TENT5B: variants seen among roughly 807,000 people sequenced by gnomAD.
TENT5B encodes the protein family with sequence similarity 46 member B.
In TENT5B, 12 loss-of-function variants were observed where a neutral mutation model predicts 21.7. The observed-to-expected ratio is 0.55, with a 90% CI of 0.36 to 0.90. The LOEUF (loss-of-function observed/expected upper bound fraction) is 0.90. Among genes scored for constraint, TENT5B ranks in the 40% least tolerant of loss-of-function variants. TENT5B has a pLI of 0.01. For synonymous variants in TENT5B, 262 were observed against 266.6 expected (o/e 0.98, Z 0.17); for missense variants, 540 against 601.5 (o/e 0.90, Z 1.07).
At chr1:27,008,191 T>C (rs1367655228) in intron 1 of TENT5B, among the ~76,000 whole-genome samples, 1 of 151,746 alleles carries the variant, frequency 6.6e-6, no homozygotes, top group African/African-American at 2.4e-5. Flanking sequence ...AAGCTGGGGG[T>C]TGGGGACATT....
At position 27,005,914 on chromosome 1, in the gene TENT5B, C is replaced by A; in HGVS notation, c.*30G>T. 4 of 1,524,472 alleles carry A rather than the reference C, an allele frequency of 2.6e-6. No individual in the cohort carries two copies. Among genetic ancestry groups the A allele is most frequent in the Non-Finnish European group, 3.5e-6 (4 of 1,135,440 alleles). The allele number at this position is 1,524,472 out of a possible 1,614,324, so 94.4% of individuals were successfully genotyped here. A position where few individuals can be genotyped will look rare whatever the true frequency, so the allele number is the denominator to read the frequency against. The stretch of plus-strand genomic sequence containing the variant: ...AGGCCCCACCCCACCCCGTGAGGCC[C>A]AGTCCCTTCCCTTCTGGCCAGGGTC... On this transcript the variant is annotated 3_prime_UTR_variant, in exon 2 of 2. Transcript: ENST00000289166.
At chr1:27,007,300 G>T (rs976111497) in intron 1 of TENT5B, among the ~76,000 whole-genome samples, 1 of 151,848 alleles carries the variant, frequency 6.6e-6, no homozygotes, top group Non-Finnish European at 1.5e-5. Flanking sequence ...ACACTTTACA[G>T]ATGCAAAAAT....
chr1:27,012,028 G>T (rs2082626330), intron 1 of TENT5B, among the ~76,000 whole-genome samples: 1 of 152,156 alleles, frequency 6.6e-6, no homozygotes, highest in South Asian at 2.1e-4. Flanking sequence ...AGATAGGGAA[G>T]GAAAAGCTAT....
In TENT5B at chr1:27,012,770, A is replaced by C; in HGVS notation, c.-100T>G. The C allele has an allele frequency of 1.5e-6, 2 of 1,301,660 alleles. No homozygotes were observed. Among genetic ancestry groups the C allele is most frequent in the Non-Finnish European group, 9.9e-7 (1 of 1,011,584 alleles). The allele number at this position is 1,301,660 out of a possible 1,614,324, so 80.6% of individuals were successfully genotyped here. A position where few individuals can be genotyped will look rare whatever the true frequency, so the allele number is the denominator to read the frequency against. ...GCAGGGGCCAAGGCGGGGGGCACGA[A>C]GGCAGGGACGGGGCGGCAACGACGG... On this transcript the variant is annotated 5_prime_UTR_variant, in exon 1 of 2. Transcript: ENST00000289166.
At position 27,005,672 on chromosome 1, in the gene TENT5B, C is replaced by A; in HGVS notation, c.*272G>T. 2.3e-6 allele frequency: 1 copy of A among 434,884 alleles called. No homozygotes were observed. The highest frequency in any genetic ancestry group is 4.0e-6 in the Non-Finnish European group (1 of 248,128). 26.9% of individuals were successfully genotyped at this position (434,884 alleles called of 1,614,324 possible). On this transcript the variant is annotated 3_prime_UTR_variant, in exon 2 of 2. Coordinates refer to ENST00000289166, the MANE Select transcript of TENT5B (RefSeq NM_052943.4). ...TTTGTCTCCTGAAGGAAATTGACTT[C>A]CAAGACAAATGGCGCCTGCACCCCA... is the stretch of plus-strand genomic sequence containing the variant.
chr1:27,005,644 T>TG lies in TENT5B; in HGVS notation c.*299dup. Reference sequence around the variant, plus strand: ...GGCATTAAGGCTACCACCCCAAACTTGCTTTGTCTCCTGAAGGAAATTGAC... The same window carrying TG: ...GGCATTAAGGCTACCACCCCAAACTTGGCTTTGTCTCCTGAAGGAAATTGAC... On this transcript the variant is annotated 3_prime_UTR_variant, in exon 2 of 2. Transcript: ENST00000289166. 2.5e-6 allele frequency: 1 copy of TG among 392,610 alleles called. No individual in the cohort carries two copies. The highest frequency in any genetic ancestry group is 4.6e-6 in the Non-Finnish European group (1 of 219,672). The allele number at this position is 392,610 out of a possible 1,614,324, so 24.3% of individuals were successfully genotyped here.
Position 27,012,460 on chromosome 1 carries a change from G to C in TENT5B, c.211C>G (p.His71Asp). 1.9e-6 allele frequency: 3 copies of C among 1,613,206 alleles called. No individual in the cohort carries two copies. The highest frequency in any genetic ancestry group is 1.3e-5 in the African/African-American group (1 of 75,046). ...DALLSEPIPI[H>D]GRGNFPTLSV... ...AGCGTGGGGAAGTTGCCGCGCCCGT[G>C]AATGGGAATCGGCTCGCTCAGAAGA... Residue 71 changes from histidine to aspartate, a missense_variant, in exon 1 of 2, where the codon CAC (histidine) becomes GAC (aspartate). By Grantham distance (81) the His-to-Asp change is moderately conservative. Coordinates refer to ENST00000289166, the MANE Select transcript of TENT5B (RefSeq NM_052943.4).
Position 27,006,549 on chromosome 1 carries a change from A to T in TENT5B, c.673T>A (p.Ser225Thr). Residue 225 changes from serine to threonine, a missense_variant, in exon 2 of 2, where the codon TCC becomes ACC. Physicochemically the swap from Ser to Thr is moderately conservative, Grantham distance 58 (BLOSUM62 1). Coordinates refer to ENST00000289166, the MANE Select transcript of TENT5B (RefSeq NM_052943.4). The surrounding 1 kb of genome is among the most constrained non-coding windows in gnomAD (Gnocchi z 9.4). Reference sequence around the variant, plus strand: ...GAGCACTGGCCAAAGAGCAACAGGGAGTCCAGGATGATCTGGAAGGAGTCT... The same window carrying T: ...GAGCACTGGCCAAAGAGCAACAGGGTGTCCAGGATGATCTGGAAGGAGTCT... Reference protein sequence around the residue: ...SIDSFQIILDSLLLFGQCSST... With the variant: ...SIDSFQIILDTLLLFGQCSST... 2.5e-6 allele frequency: 4 copies of T among 1,614,124 alleles called. No individual in the cohort carries two copies. Among genetic ancestry groups the T allele is most frequent in the Non-Finnish European group, 3.4e-6 (4 of 1,180,032 alleles).
In TENT5B at chr1:27,012,538, G is replaced by A; in HGVS notation, c.133C>T (p.Pro45Ser). 2 of 1,601,614 alleles carry A rather than the reference G, an allele frequency of 1.2e-6. No homozygotes were observed. Among genetic ancestry groups the A allele is most frequent in the Non-Finnish European group, 1.7e-6 (2 of 1,178,294 alleles). ...GPDPEALSAFPGRHLSGLSWP... is the reference protein window; with the variant it reads ...GPDPEALSAFSGRHLSGLSWP... Reference sequence around the variant, plus strand: ...CTCAGCCCACTCAGGTGCCGTCCGGGGAAGGCCGATAAGGCCTCCGGGTCG... The same window carrying A: ...CTCAGCCCACTCAGGTGCCGTCCGGAGAAGGCCGATAAGGCCTCCGGGTCG... The change falls in exon 1 of 2, where the codon CCC becomes TCC. Residue 45 changes from proline (P) to serine (S), a missense_variant. Pro to Ser is a moderately conservative substitution (Grantham distance 74, BLOSUM62 -1). Transcript: ENST00000289166.
In TENT5B at chr1:27,006,754, C is replaced by T. The variant is rs771303167; in HGVS notation, c.468G>A (p.Pro156=). ...TGATCTTGGCCCGGCTCACACCGGC[C>T]GGCAGGAAGTCTAGTAGGCAGGCCA... ...VVLACLLDFL[P]AGVSRAKITP... Residue 156 remains proline (P), a synonymous_variant, in exon 2 of 2, where the codon CCG becomes CCA. Coordinates refer to ENST00000289166, the MANE Select transcript of TENT5B (RefSeq NM_052943.4). This position sits in a 1 kb window ranked among gnomAD's most constrained non-coding sequence, Gnocchi z 9.4. 3.2e-5 allele frequency: 51 copies of T among 1,613,872 alleles called. No homozygotes were observed. Among genetic ancestry groups the T allele is most frequent in the Non-Finnish European group, 3.9e-5 (46 of 1,180,008 alleles).
intron 1 of TENT5B, among the ~76,000 whole-genome samples, chr1:27,007,559 T>A (rs1188057196): frequency 6.6e-6 from 1 of 152,024 alleles, no homozygotes; most frequent in East Asian, 1.9e-4. Flanking sequence ...GCCCGGCTAA[T>A]TTTTGTATTT....
intron 1 of TENT5B, among the ~76,000 whole-genome samples, chr1:27,011,022 C>A (rs1475899042): frequency 6.6e-6 from 1 of 152,196 alleles, no homozygotes; most frequent in Non-Finnish European, 1.5e-5. Flanking sequence ...TCCACCTTCC[C>A]CTCCCTGCCA....
intron 1 of TENT5B, among the ~76,000 whole-genome samples, chr1:27,008,649 T>C: frequency 6.6e-6 from 1 of 151,988 alleles, no homozygotes; most frequent in Non-Finnish European, 1.5e-5. Context: ...TCATCCAGGC[T>C]GGAGTGCAGT....
rs374346656 is a variant in TENT5B at position 27,008,508 on chromosome 1, C to T, written c.265-1551G>A. Among the ~76,000 whole-genome samples the T allele has an allele frequency of 8.5e-5, 13 of 152,234 alleles. No homozygotes were observed. In the East Asian group the frequency reaches 2.3e-3, roughly 27 times the overall value. Reference sequence around the variant, plus strand: ...GCCACAAGGAACACGGAGAATGGGGCGTAAGCAGCTGGCCATCAGGAACAC... The same window carrying T: ...GCCACAAGGAACACGGAGAATGGGGTGTAAGCAGCTGGCCATCAGGAACAC... On this transcript the variant is annotated intron_variant, in intron 1 of 1. Coordinates refer to ENST00000289166, the MANE Select transcript of TENT5B (RefSeq NM_052943.4).
Position 27,006,013 on chromosome 1 carries a change from G to T in TENT5B, c.1209C>A (p.Val403=), listed in dbSNP as rs138895523. Residue 403 remains valine, a synonymous_variant, in exon 2 of 2, where the codon GTC becomes GTA. Coordinates refer to ENST00000289166, the MANE Select transcript of TENT5B (RefSeq NM_052943.4). The surrounding 1 kb of genome is among the most constrained non-coding windows in gnomAD (Gnocchi z 9.4). ...GTTGCACGGGGGTCACGTAGTAATT[G>T]ACAGTGGCTGGCACAACCCCGTCAG... is the stretch of plus-strand genomic sequence containing the variant. ...PGTDGVVPAT[V]NYYVTPVQPL... 5.1e-5 allele frequency: 82 copies of T among 1,608,572 alleles called. No homozygotes were observed. In the African/African-American group the frequency reaches 8.9e-4, roughly 18 times the overall value.
chr1:27,008,687 C>T (rs2082611416), intron 1 of TENT5B, among the ~76,000 whole-genome samples: 1 of 151,536 alleles, frequency 6.6e-6, no homozygotes, highest in Non-Finnish European at 1.5e-5. Context: ...CTGCAACCTC[C>T]GCCTCCCAGG....
At position 27,006,074 on chromosome 1, in the gene TENT5B, G is replaced by T; in HGVS notation, c.1148C>A (p.Ala383Asp). 1 of 1,610,828 alleles carries T rather than the reference G, an allele frequency of 6.2e-7. No homozygotes were observed. The highest frequency in any genetic ancestry group is 1.7e-4 in the Middle Eastern group (1 of 6,050). Residue 383 changes from alanine to aspartate, a missense_variant, in exon 2 of 2, where the codon GCT becomes GAT. By Grantham distance (126) the Ala-to-Asp change is moderately radical. Coordinates refer to ENST00000289166, the MANE Select transcript of TENT5B (RefSeq NM_052943.4). This position sits in a 1 kb window ranked among gnomAD's most constrained non-coding sequence, Gnocchi z 9.4. The part of the protein sequence containing the change: ...ALQALAEQGP[A>D]ATAALAWRPP... ...GCGCCAGGCCAGGGCGGCAGTGGCAGCTGGGCCCTGCTCAGCCAGTGCCTG... is the reference window on the plus strand; with the variant it reads ...GCGCCAGGCCAGGGCGGCAGTGGCATCTGGGCCCTGCTCAGCCAGTGCCTG...
rs532985606 is a variant in TENT5B, at chr1:27,012,811, G to A, written c.-141C>T. ...GCAACGACGGCGAGACAAAGCCAGGGAACACCTCAGACGGCGACGACTAAC... is the reference window on the plus strand; with the variant it reads ...GCAACGACGGCGAGACAAAGCCAGGAAACACCTCAGACGGCGACGACTAAC... On this transcript the variant is annotated 5_prime_UTR_variant, in exon 1 of 2. Coordinates refer to ENST00000289166, the MANE Select transcript of TENT5B (RefSeq NM_052943.4). 9.0e-5 allele frequency: 101 copies of A among 1,126,412 alleles called. No individual in the cohort carries two copies. The East Asian group carries it at 2.7e-3, about 30-fold the overall frequency. 69.8% of individuals were successfully genotyped at this position (1,126,412 alleles called of 1,614,324 possible). A position where few individuals can be genotyped will look rare whatever the true frequency, so the allele number is the denominator to read the frequency against.
rs978067044 is a variant in TENT5B, at chr1:27,007,394, C to CT, written c.265-438dup. Among the ~76,000 whole-genome samples the CT allele has an allele frequency of 7.0e-3, 983 of 140,436 alleles. 12 individuals are homozygous for CT. The highest frequency in any genetic ancestry group is 0.015 in the South Asian group (64 of 4,348). The allele number at this position is 140,436 out of a possible 152,430, so 92.1% of individuals were successfully genotyped here. ...TGGGAATAAAACTCCGAGTCCAAGT[C>CT]TTTTTTTTTTTTTTTGAGATGGAGT... On this transcript the variant is annotated intron_variant, in intron 1 of 1. Transcript: ENST00000289166.
Sources: gnomAD v4.1 joint callset for allele counts (sites outside exome capture counted in the v4.1 genomes callset) on GRCh38, gnomAD v4.1.1 for gene constraint, Gnocchi (gnomAD v3.1) non-coding constraint, MANE v1.5 for transcripts, NCBI Gene and HGNC (gene_info 2026-07-23, HGNC 2026-07-21) for gene names.